HSD17B13: variants seen among roughly 807,000 people sequenced by gnomAD.
The protein encoded by HSD17B13 is 17-beta-hydroxysteroid dehydrogenase 13.
A neutral mutation model predicts 31.1 loss-of-function variants in HSD17B13; 26 were observed. That is an observed-to-expected ratio of 0.84 (90% CI 0.61 to 1.16). The LOEUF (loss-of-function observed/expected upper bound fraction) is 1.16. Ranked by LOEUF, HSD17B13 falls within the 50% of genes most tolerant of loss-of-function variation. The pLI, the probability that HSD17B13 is intolerant of heterozygous loss-of-function variation, is 0.00. For missense variants in HSD17B13, 374 were observed against 366.5 expected (o/e 1.02, Z -0.17); for synonymous variants, 141 against 133.7 (o/e 1.05, Z -0.38).
chr4:87,309,384 CAAAAAAAAAAAAAAA>C (rs369280214), intron 6 of HSD17B13, among the ~76,000 whole-genome samples: 1 of 50,098 alleles, frequency 2.0e-5, no homozygotes, highest in Non-Finnish European at 3.9e-5. Flanking sequence ...AACTCTGTCT[CAAAAAAAAAAAAAAA>C]AAAAAAAAAA....
At chr4:87,317,567 T>TTTTTTTTTTC (rs1553956429) in intron 2 of HSD17B13, among the ~76,000 whole-genome samples, 4,805 of 113,484 alleles carry the variant, frequency 0.042, 688 homozygotes, top group African/African-American at 0.19. Flanking sequence ...TTTAAACTTT[T>TTTTTTTTTTC]TTTTTTTTTT....
Position 87,318,436 on chromosome 4 carries a change from G to T in HSD17B13, c.211C>A (p.Arg71Ser), listed in dbSNP as rs746846119. The change falls in exon 2 of 7, where the codon CGC becomes AGC. Residue 71 changes from arginine (R) to serine (S), a missense_variant and splice_region_variant. Physicochemically the swap from Arg to Ser is moderately radical, Grantham distance 110. Coordinates refer to ENST00000328546, the MANE Select transcript of HSD17B13 (RefSeq NM_178135.5). ...TCAGCTGCAGTTTCCTCCACACCGC[G>T]CTGTAATTAGGAAGAAACAAATTCC... ...SILVLWDINK[R>S]GVEETAAECR... The T allele has an allele frequency of 6.2e-7, 1 of 1,612,966 alleles. No homozygotes were observed. The highest frequency in any genetic ancestry group is 8.5e-7 in the Non-Finnish European group (1 of 1,178,938).
intron 1 of HSD17B13, among the ~76,000 whole-genome samples, chr4:87,321,747 AAG>A (rs1380439540): frequency 6.6e-6 from 1 of 152,222 alleles, no homozygotes; most frequent in Non-Finnish European, 1.5e-5. Flanking sequence ...CTCTAAGTGT[AAG>A]AGACATTTTA....
Position 87,315,557 on chromosome 4 carries a change from CATG to C in HSD17B13, c.490_492del (p.His164del), listed in dbSNP as rs1387443714. ...ACTGAAGCCACTGTGACGATGTGGC[CATG>C]ATTTCTCTCCATCATCGATGGAAGA... On this transcript the variant is annotated inframe_deletion, in exon 4 of 7. Coordinates refer to ENST00000328546, the MANE Select transcript of HSD17B13 (RefSeq NM_178135.5). 1 of 1,610,836 alleles carries C rather than the reference CATG, an allele frequency of 6.2e-7. No homozygotes were observed. Among genetic ancestry groups the C allele is most frequent in the Non-Finnish European group, 8.5e-7 (1 of 1,177,590 alleles).
intron 5 of HSD17B13, 148 bp from the exon 6 acceptor site, chr4:87,310,507 T>A: frequency 1.1e-6 from 1 of 919,840 alleles, no homozygotes; most frequent in Admixed American, 4.4e-5. Context: ...AATGCCACCC[T>A]ACCCACTTCC....
Position 87,304,807 on chromosome 4 carries a change from G to C in HSD17B13, c.*411C>G. On this transcript the variant is annotated 3_prime_UTR_variant, in exon 7 of 7. Coordinates refer to ENST00000328546, the MANE Select transcript of HSD17B13 (RefSeq NM_178135.5). ...TCTCTTAGCTGTGCACTCATTCTGT[G>C]TTCTTGTTGATATTCTGTGGCATGG... is the stretch of plus-strand genomic sequence containing the variant. 6.5e-6 allele frequency: 1 copy of C among 153,378 alleles called. No individual in the cohort carries two copies. Among genetic ancestry groups the C allele is most frequent in the Non-Finnish European group, 1.5e-5 (1 of 68,814 alleles). The allele number at this position is 153,378 out of a possible 1,614,324, so 9.5% of individuals were successfully genotyped here.
At chr4:87,317,504 T>A (rs1734678015) in intron 2 of HSD17B13, among the ~76,000 whole-genome samples, 1 of 150,120 alleles carries the variant, frequency 6.7e-6, no homozygotes, top group Admixed American at 6.7e-5. Flanking sequence ...AATTCCTATA[T>A]AAATTCTGAC....
chr4:87,309,191 T>C (rs1030224232), intron 6 of HSD17B13, among the ~76,000 whole-genome samples: 1 of 151,880 alleles, frequency 6.6e-6, no homozygotes, highest in Non-Finnish European at 1.5e-5. Context: ...GAGACCAGCC[T>C]GGCCAACATG....
intron 5 of HSD17B13, 104 bp downstream of exon 5, chr4:87,313,719 C>A: frequency 2.3e-6 from 2 of 877,686 alleles, no homozygotes; most frequent in South Asian, 2.1e-5. Flanking sequence ...ATTATTTTTC[C>A]TTCTTCATTT....
rs1734324705 is a variant in HSD17B13, at chr4:87,303,995, G to A, written c.*1223C>T. ...AACAAGATTAGTCTTGATGTAGTGG[G>A]AGTCGGATTATTTTTTCTATTAAAA... On this transcript the variant is annotated 3_prime_UTR_variant, in exon 7 of 7. Transcript: ENST00000328546. 6.6e-6 allele frequency: 1 copy of A among 151,914 alleles called. No individual in the cohort carries two copies. The highest frequency in any genetic ancestry group is 2.4e-5 in the African/African-American group (1 of 41,318). 9.4% of individuals were successfully genotyped at this position (151,914 alleles called of 1,614,324 possible).
intron 1 of HSD17B13, among the ~76,000 whole-genome samples, chr4:87,321,704 A>C (rs921491100): frequency 6.6e-6 from 1 of 152,168 alleles, no homozygotes; most frequent in African/African-American, 2.4e-5. Flanking sequence ...AGTATTCTTC[A>C]CTATTCAGAA....
rs149276442 is a variant in HSD17B13 at position 87,321,790 on chromosome 4, T to G, written c.210+842A>C. Among the ~76,000 whole-genome samples the G allele has an allele frequency of 4.3e-3, 653 of 152,238 alleles. 4 individuals are homozygous for G. Among genetic ancestry groups the G allele is most frequent in the African/African-American group, 0.015 (617 of 41,546 alleles). ...CAACTAAACATGACAGCAAAGAACA[T>G]GAGAAAGTAATAATATAATGGTAAT... On this transcript the variant is annotated intron_variant, in intron 1 of 6. Transcript: ENST00000328546.
At chr4:87,310,454 A>C (rs1734507583) in intron 5 of HSD17B13, 95 bp from the exon 6 acceptor site, 2 of 1,214,876 alleles carry the variant, frequency 1.6e-6, no homozygotes, top group Admixed American at 4.2e-5. Context: ...ATTTTTACTA[A>C]ATTTAGAATG....
Position 87,305,243 on chromosome 4 carries a change from A to T in HSD17B13, c.878T>A (p.Val293Asp). 6.2e-7 allele frequency: 1 copy of T among 1,608,010 alleles called. No individual in the cohort carries two copies. Among genetic ancestry groups the T allele is most frequent in the Non-Finnish European group, 8.5e-7 (1 of 1,177,580 alleles). Residue 293 changes from valine (V) to aspartate (D), a missense_variant, in exon 7 of 7, where the codon GTT becomes GAT. Coordinates refer to ENST00000328546, the MANE Select transcript of HSD17B13 (RefSeq NM_178135.5). ...RMQNIQFEAV[V>D]GHKIKMK ...TCATTTCATTTTGATTTTGTGGCCAACCACTGCTTCAAATTGAATATTCTG... is the reference window on the plus strand; with the variant it reads ...TCATTTCATTTTGATTTTGTGGCCATCCACTGCTTCAAATTGAATATTCTG...
At chr4:87,315,211 G>A (rs369344687) in intron 4 of HSD17B13, among the ~76,000 whole-genome samples, 4 of 152,308 alleles carry the variant, frequency 2.6e-5, no homozygotes, top group African/African-American at 9.6e-5. Flanking sequence ...CGTACACCAA[G>A]TAACCAGTGG....
At chr4:87,313,737 T>C in intron 5 of HSD17B13, 86 bp downstream of exon 5, 1 of 1,046,144 alleles carries the variant, frequency 9.6e-7, no homozygotes, top group South Asian at 1.6e-5. Flanking sequence ...TTTTCTTCTA[T>C]TAGTTGGCCT....
At chr4:87,314,644 C>T (rs1455961432) in intron 4 of HSD17B13, among the ~76,000 whole-genome samples, 1 of 138,506 alleles carries the variant, frequency 7.2e-6, no homozygotes, top group African/African-American at 2.8e-5. Context: ...CTCTCTCTCA[C>T]ACACACACAC....
Position 87,322,653 on chromosome 4 carries a change from C to G in HSD17B13, c.189G>C (p.Leu63Phe), listed in dbSNP as rs748883101. The G allele has an allele frequency of 6.2e-7, 1 of 1,611,540 alleles. No homozygotes were observed. The highest frequency in any genetic ancestry group is 1.3e-5 in the African/African-American group (1 of 74,858). ...TTACCTTATTAATATCCCACAGAACCAATATGCTCTGTCGTTTTGCAAATT... is the reference window on the plus strand; with the variant it reads ...TTACCTTATTAATATCCCACAGAACGAATATGCTCTGTCGTTTTGCAAATT... ...TYEFAKRQSI[L>F]VLWDINKRGV... The change falls in exon 1 of 7, where the codon TTG becomes TTC. Residue 63 changes from leucine (L) to phenylalanine (F), a missense_variant. Leu to Phe is a conservative substitution (Grantham distance 22, BLOSUM62 0). Transcript: ENST00000328546.
intron 2 of HSD17B13, among the ~76,000 whole-genome samples, 196 bp from the exon 3 acceptor site, chr4:87,317,419 C>T (rs1346443372): frequency 6.6e-6 from 1 of 152,080 alleles, no homozygotes; most frequent in Admixed American, 6.6e-5. Flanking sequence ...GTTCTTTTAA[C>T]ATCTAAATTT....
Sources: allele counts gnomAD v4.1 joint callset (sites outside exome capture counted in the v4.1 genomes callset), GRCh38; gene constraint gnomAD v4.1.1; transcripts MANE v1.5; gene names NCBI Gene and HGNC (gene_info 2026-07-23, HGNC 2026-07-21).